Variants in HCK observed in about 807,000 individuals in gnomAD.
The protein encoded by HCK is tyrosine-protein kinase HCK.
HCK carries 40 observed loss-of-function variants against 70.4 expected under a neutral mutation model. The ratio of observed to expected loss-of-function variants is 0.57; its 90% CI spans 0.44 to 0.74. HCK has a LOEUF of 0.74. Among genes scored for constraint, HCK ranks in the 30% least tolerant of loss-of-function variants. The probability of loss-of-function intolerance (pLI) is 0.00; values close to 1 mark genes in which losing one functional copy is unlikely to be tolerated. For missense variants in HCK, 568 were observed against 697.2 expected, an observed-to-expected ratio of 0.81 and a Z score of 2.09; for synonymous variants, 245 against 263.2, an observed-to-expected ratio of 0.93 and a Z score of 0.67.
intron 1 of HCK, among the ~76,000 whole-genome samples, chr20:32,059,616 G>A (rs1204524543): frequency 2.0e-5 from 3 of 151,818 alleles, no homozygotes; most frequent in African/African-American, 7.3e-5. Context: ...CTGCGCTCAA[G>A]CGATCCTCCC....
intron 11 of HCK, among the ~76,000 whole-genome samples, chr20:32,094,803 A>AAGAAAGAGAGAGAAAG (rs2045927751): frequency 3.3e-4 from 26 of 78,014 alleles, no homozygotes; most frequent in East Asian, 1.4e-3. Flanking sequence ...GAAAGAAAGA[A>AAGAAAGAGAGAGAAAG]AGAAAGAAAG....
Position 32,094,752 on chromosome 20 carries a change from AGAAAGAAAGAAG to A in HCK, c.1246+748_1246+759del, listed in dbSNP as rs1466510413. On this transcript the variant is annotated intron_variant, in intron 11 of 12. Coordinates refer to ENST00000375852, the MANE Select transcript of HCK (RefSeq NM_002110.5). ...AAGAAAGAAAGAAAGAAAGAAAGAA[AGAAAGAAAGAAG>A]GAAAGAAAGAAAGAGAGAGAAAGAG... Among the ~76,000 whole-genome samples the A allele has an allele frequency of 4.0e-3, 450 of 112,958 alleles. 4 individuals carry two copies. Among genetic ancestry groups the A allele is most frequent in the East Asian group, 6.6e-3 (25 of 3,774 alleles). 74.1% of individuals were successfully genotyped at this position (112,958 alleles called of 152,430 possible). A position where few individuals can be genotyped will look rare whatever the true frequency, so the allele number is the denominator to read the frequency against.
intron 1 of HCK, among the ~76,000 whole-genome samples, chr20:32,061,798 G>C (rs1213450813): frequency 6.6e-6 from 1 of 152,154 alleles, no homozygotes; most frequent in Non-Finnish European, 1.5e-5. Context: ...GAGTTAGAAG[G>C]AGACAGATCT....
intron 1 of HCK, among the ~76,000 whole-genome samples, chr20:32,065,912 T>C (rs915818898): frequency 2.4e-4 from 36 of 152,162 alleles, no homozygotes; most frequent in Admixed American, 2.0e-3. Context: ...AGAGGTTCTC[T>C]AGCCTTCTTG....
At position 32,086,762 on chromosome 20, in the gene HCK, G is replaced by T; in HGVS notation, c.970G>T (p.Val324Phe). Residue 324 changes from valine (V) to phenylalanine (F), a missense_variant, in exon 9 of 13, where the codon GTC becomes TTC. By Grantham distance (50) the Val-to-Phe change is conservative (BLOSUM62 -1). Coordinates refer to ENST00000375852, the MANE Select transcript of HCK (RefSeq NM_002110.5). Reference sequence around the variant, plus strand: ...CAAGCTGGTCAAACTTCATGCGGTGGTCACCAAGGAGCCCATCTACATCAT... The same window carrying T: ...CAAGCTGGTCAAACTTCATGCGGTGTTCACCAAGGAGCCCATCTACATCAT... 6.2e-7 allele frequency: 1 copy of T among 1,602,058 alleles called. No individual in the cohort carries two copies. The highest frequency in any genetic ancestry group is 8.5e-7 in the Non-Finnish European group (1 of 1,173,980).
rs1569000062 is a variant in HCK at position 32,087,769 on chromosome 20, G to T, written c.1016-799G>T. The stretch of plus-strand genomic sequence containing the variant: ...CCATTCTCCTGCCTCAGCCTCCCAA[G>T]TAGCTGGGACTACAGGTGCCTGCCA... On this transcript the variant is annotated intron_variant, in intron 9 of 12. Coordinates refer to ENST00000375852, the MANE Select transcript of HCK (RefSeq NM_002110.5). 2.0e-5 allele frequency among the ~76,000 whole-genome samples: 3 copies of T among 151,966 alleles called. No homozygotes were observed. The South Asian group carries it at 6.2e-4, about 32-fold the overall frequency.
intron 1 of HCK, among the ~76,000 whole-genome samples, chr20:32,057,822 A>G (rs1344298684): frequency 6.6e-6 from 1 of 151,890 alleles, no homozygotes; most frequent in African/African-American, 2.4e-5. Context: ...TCCCCACCCC[A>G]TTTCTCCAGT....
intron 8 of HCK, among the ~76,000 whole-genome samples, chr20:32,085,859 G>C (rs1345418782): frequency 6.6e-6 from 1 of 152,198 alleles, no homozygotes; most frequent in African/African-American, 2.4e-5. Context: ...TTTAGTGGCT[G>C]ATGAGGCTAG....
At chr20:32,060,532 T>C (rs1258250204) in intron 1 of HCK, among the ~76,000 whole-genome samples, 1 of 152,162 alleles carries the variant, frequency 6.6e-6, no homozygotes. Flanking sequence ...CATGAGCCAT[T>C]GCACCTGGCC....
intron 1 of HCK, among the ~76,000 whole-genome samples, chr20:32,053,291 A>G (rs1287133215): frequency 1.3e-5 from 2 of 151,992 alleles, no homozygotes; most frequent in Non-Finnish European, 2.9e-5. Flanking sequence ...TCACAACTGC[A>G]GGATGGGGAG....
rs765114593 is a variant in HCK at position 32,084,453 on chromosome 20, C to G, written c.745C>G (p.Pro249Ala). 9.9e-6 allele frequency: 16 copies of G among 1,613,922 alleles called. No individual in the cohort carries two copies. Among genetic ancestry groups the G allele is most frequent in the Non-Finnish European group, 1.4e-5 (16 of 1,179,948 alleles). ...CTGCATGTCTTCCAAGCCCCAGAAG[C>G]CTTGGGAGAAAGATGCCTGGGAGAT... Residue 249 changes from proline to alanine, a missense_variant, in exon 8 of 13, where the codon CCT becomes GCT. Transcript: ENST00000375852.
intron 10 of HCK, among the ~76,000 whole-genome samples, chr20:32,089,272 C>T (rs2045832663): frequency 6.6e-6 from 1 of 152,200 alleles, no homozygotes; most frequent in African/African-American, 2.4e-5. Context: ...ATCCCAGGGA[C>T]CCCCTCAATG....
chr20:32,083,371 G>A (rs2045734260), intron 6 of HCK, among the ~76,000 whole-genome samples: 1 of 152,132 alleles, frequency 6.6e-6, no homozygotes, highest in African/African-American at 2.4e-5. Flanking sequence ...ACCACAGCAT[G>A]TTCACATTTC....
chr20:32,096,037 G>A (rs1261361842), intron 11 of HCK, among the ~76,000 whole-genome samples: 2 of 151,750 alleles, frequency 1.3e-5, no homozygotes, highest in Non-Finnish European at 2.9e-5. Flanking sequence ...TTACAAGCAT[G>A]TGCCATCATG....
intron 1 of HCK, among the ~76,000 whole-genome samples, chr20:32,067,246 T>A (rs2045471454): frequency 6.6e-6 from 1 of 152,152 alleles, no homozygotes; most frequent in Non-Finnish European, 1.5e-5. Context: ...CATAACAAAT[T>A]TTCCATCCTA....
intron 1 of HCK, among the ~76,000 whole-genome samples, chr20:32,061,362 T>C (rs1193067993): frequency 6.6e-6 from 1 of 152,146 alleles, no homozygotes; most frequent in Non-Finnish European, 1.5e-5. Flanking sequence ...CCCCCAGACA[T>C]GGGTGGGCTT....
intron 11 of HCK, among the ~76,000 whole-genome samples, chr20:32,094,787 G>GAGAAAGAAAGAA (rs71185378): frequency 1.9e-5 from 2 of 105,306 alleles, no homozygotes; most frequent in Admixed American, 2.0e-4. Context: ...GAGAGAGAAA[G>GAGAAAGAAAGAA]AGAAAGAAAG....
intron 6 of HCK, among the ~76,000 whole-genome samples, chr20:32,081,203 C>T (rs1163049932): frequency 6.6e-6 from 1 of 152,232 alleles, no homozygotes; most frequent in African/African-American, 2.4e-5. Context: ...GAGACTCAAG[C>T]CAGCCTTCTC....
intron 1 of HCK, among the ~76,000 whole-genome samples, chr20:32,070,885 G>A (rs1007100487): frequency 4.8e-5 from 7 of 146,442 alleles, no homozygotes; most frequent in Non-Finnish European, 7.5e-5. Context: ...GGAAGAAGAC[G>A]AAGAAAGAGG....
Sources: gnomAD v4.1 joint callset for allele counts (sites outside exome capture counted in the v4.1 genomes callset) on GRCh38, gnomAD v4.1.1 for gene constraint, MANE v1.5 for transcripts, NCBI Gene and HGNC (gene_info 2026-07-23, HGNC 2026-07-21) for gene names.